ABI2: variants seen among roughly 807,000 people sequenced by gnomAD.
ABI2 encodes the protein abelson interactor 2.
In ABI2, 25 loss-of-function variants were observed where a neutral mutation model predicts 59.2. That is an observed-to-expected ratio of 0.42 (90% CI 0.31 to 0.59). The LOEUF (loss-of-function observed/expected upper bound fraction) is 0.59, where lower values mean the gene tolerates loss of function less well. Among genes scored for constraint, ABI2 ranks in the 20% least tolerant of loss-of-function variants. The pLI is 0.14. For missense variants in ABI2, 545 were observed against 681.8 expected (o/e 0.80, Z 2.23); for synonymous variants, 213 against 235.5 (o/e 0.90, Z 0.87).
chr2:203,402,698 C>A lies in ABI2; in HGVS notation c.1156C>A (p.Gln386Lys), dbSNP rs2153450366. 6.2e-7 allele frequency: 1 copy of A among 1,605,890 alleles called. No homozygotes were observed. The highest frequency in any genetic ancestry group is 2.2e-5 in the East Asian group (1 of 44,490). The change falls in exon 9 of 12, where the codon CAG becomes AAG. Residue 386 changes from glutamine to lysine, a missense_variant. By Grantham distance (53) the Gln-to-Lys change is moderately conservative (BLOSUM62 1). Around this residue, in one of 4 missense-constraint regions of ABI2, gnomAD observed 410 missense variants for 435.6 expected, o/e 0.94. Transcript: ENST00000261018. Reference sequence around the variant, plus strand: ...TACTTCACAAACAAGCCTTCAGAATCAGATGAATGGAGGACCTTTTTATAG... The same window carrying A: ...TACTTCACAAACAAGCCTTCAGAATAAGATGAATGGAGGACCTTTTTATAG... Reference protein sequence around the residue: ...SITSQTSLQNQMNGGPFYSQN... With the variant: ...SITSQTSLQNKMNGGPFYSQN...
In ABI2 at chr2:203,417,096, G is replaced by C; in HGVS notation, c.1453+15G>C. On this transcript the variant is annotated intron_variant, in intron 11 of 11. Transcript: ENST00000261018. ...CTTGGAAAAGGGTAAGTTTCAGAAG[G>C]ATATCTGGATAGATGGGAAGAAACC... 3 of 1,597,422 alleles carry C rather than the reference G, an allele frequency of 1.9e-6. No homozygotes were observed. Among genetic ancestry groups the C allele is most frequent in the Non-Finnish European group, 2.6e-6 (3 of 1,171,696 alleles).
intron 9 of ABI2, among the ~76,000 whole-genome samples, chr2:203,406,385 A>G (rs1014204110): frequency 2.0e-5 from 3 of 152,192 alleles, no homozygotes; most frequent in African/African-American, 4.8e-5. Flanking sequence ...GTTGGTTCCA[A>G]GAGATGTGTC....
At chr2:203,329,744 C>A (rs1287982181) in intron 1 of ABI2, among the ~76,000 whole-genome samples, 3 of 142,394 alleles carry the variant, frequency 2.1e-5, no homozygotes, top group Non-Finnish European at 4.6e-5. Context: ...CTTCTTTTTT[C>A]TTTTCTTTTT....
chr2:203,345,127 C>G (rs1330733535), intron 1 of ABI2, among the ~76,000 whole-genome samples: 1 of 152,190 alleles, frequency 6.6e-6, no homozygotes, highest in Non-Finnish European at 1.5e-5. Flanking sequence ...GCTGCTCACT[C>G]TTTGGGTCCG....
intron 1 of ABI2, among the ~76,000 whole-genome samples, chr2:203,350,307 C>CCT (rs2086966639): frequency 6.6e-6 from 1 of 152,074 alleles, no homozygotes; most frequent in Non-Finnish European, 1.5e-5. Context: ...GAACTCTTGA[C>CCT]CTCAGGTGAT....
intron 2 of ABI2, among the ~76,000 whole-genome samples, chr2:203,373,207 T>C (rs2095419437): frequency 6.6e-6 from 1 of 151,882 alleles, no homozygotes; most frequent in Non-Finnish European, 1.5e-5. Flanking sequence ...CTGTCTGCAA[T>C]CCCGGCACCT....
chr2:203,329,029 T>G, intron 1 of ABI2: 1 of 162,502 alleles, frequency 6.2e-6, no homozygotes, highest in Non-Finnish European at 1.3e-5. Flanking sequence ...GTTACCTCCA[T>G]CCCCCAAATT....
intron 10 of ABI2, among the ~76,000 whole-genome samples, chr2:203,413,653 C>T (rs2097769914): frequency 6.6e-6 from 1 of 152,100 alleles, no homozygotes; most frequent in South Asian, 2.1e-4. Context: ...CGTGGCAGGA[C>T]TTAAACATTA....
chr2:203,338,983 A>AAATATAT (rs2078182989), intron 1 of ABI2, among the ~76,000 whole-genome samples: 10 of 12,332 alleles, frequency 8.1e-4, no homozygotes, highest in Admixed American at 3.3e-3. Flanking sequence ...TATATATATA[A>AAATATAT]ATATATATAT....
At chr2:203,348,909 T>C (rs1041183480) in intron 1 of ABI2, among the ~76,000 whole-genome samples, 4 of 151,848 alleles carry the variant, frequency 2.6e-5, no homozygotes, top group African/African-American at 9.7e-5. Context: ...CTGAAGGTGT[T>C]TTTTTTTGTT....
At chr2:203,397,683 A>G (rs546314427) in intron 8 of ABI2, among the ~76,000 whole-genome samples, 2 of 152,328 alleles carry the variant, frequency 1.3e-5, no homozygotes, top group Non-Finnish European at 2.9e-5. Flanking sequence ...TATGCAGAAA[A>G]GAGGTTTAAT....
chr2:203,376,801 G>A (rs1370398620), intron 2 of ABI2, among the ~76,000 whole-genome samples: 1 of 141,846 alleles, frequency 7.0e-6, no homozygotes, highest in East Asian at 2.2e-4. Flanking sequence ...GTGTGTATAT[G>A]AAGAGAACAT....
intron 4 of ABI2, among the ~76,000 whole-genome samples, chr2:203,382,603 T>C (rs2096210034): frequency 6.6e-6 from 1 of 152,200 alleles, no homozygotes; most frequent in Admixed American, 6.5e-5. Flanking sequence ...GGAGGGCCAA[T>C]TAATGTACTT....
intron 4 of ABI2, among the ~76,000 whole-genome samples, chr2:203,386,052 C>G (rs1457612418): frequency 6.6e-6 from 1 of 152,120 alleles, no homozygotes; most frequent in African/African-American, 2.4e-5. Flanking sequence ...TCTTTTGGTC[C>G]TTTTCCTGGT....
At chr2:203,421,977 A>G (rs1342259761) in intron 11 of ABI2, among the ~76,000 whole-genome samples, 1 of 151,676 alleles carries the variant, frequency 6.6e-6, no homozygotes, top group Non-Finnish European at 1.5e-5. Context: ...AAAAAAAAAA[A>G]AAAAAAATCT....
chr2:203,333,667 A>G (rs1250605847), intron 1 of ABI2, among the ~76,000 whole-genome samples: 2 of 152,210 alleles, frequency 1.3e-5, no homozygotes, highest in African/African-American at 4.8e-5. Context: ...ATTTTCAGTG[A>G]CAAATCAGTC....
intron 1 of ABI2, among the ~76,000 whole-genome samples, chr2:203,339,168 A>C (rs2078400169): frequency 1.3e-5 from 2 of 151,122 alleles, no homozygotes; most frequent in African/African-American, 4.9e-5. Context: ...AACAAAAAGG[A>C]GCTGTCACCT....
At chr2:203,329,750 T>G (rs943110412) in intron 1 of ABI2, among the ~76,000 whole-genome samples, 1 of 151,948 alleles carries the variant, frequency 6.6e-6, no homozygotes, top group Non-Finnish European at 1.5e-5. Context: ...TTTTCTTTTC[T>G]TTTTGAGACA....
chr2:203,342,201 T>G, intron 1 of ABI2: 1 of 456,394 alleles, frequency 2.2e-6, no homozygotes, highest in Non-Finnish European at 4.4e-6. Context: ...AAATAGTTAT[T>G]GAGCATCTTT....
Sources: allele counts gnomAD v4.1 joint callset (sites outside exome capture counted in the v4.1 genomes callset), GRCh38; gene constraint gnomAD v4.1.1; regional missense constraint gnomAD v4.1.1; transcripts MANE v1.5; gene names NCBI Gene and HGNC (gene_info 2026-07-23, HGNC 2026-07-21).